The following PGLYRP3 variants were observed in gnomAD, a reference collection of about 807,000 sequenced individuals.
PGLYRP3 encodes peptidoglycan recognition protein 3, also known as peptidoglycan recognition protein I alpha.
A neutral mutation model predicts 36.0 loss-of-function variants in PGLYRP3; 39 were observed. The observed-to-expected ratio is 1.08, with a 90% CI of 0.84 to 1.41. The LOEUF (loss-of-function observed/expected upper bound fraction) is 1.41, where lower values mean the gene tolerates loss of function less well. Among genes scored for constraint, PGLYRP3 ranks in the 40% most tolerant of loss-of-function variants. The probability of loss-of-function intolerance (pLI) is 0.00; values close to 1 mark genes in which losing one functional copy is unlikely to be tolerated. For synonymous variants in PGLYRP3, 204 were observed against 172.8 expected, an observed-to-expected ratio of 1.18 and a Z score of -1.42; for missense variants, 407 against 427.9, an observed-to-expected ratio of 0.95 and a Z score of 0.43.
At chr1:153,304,590 G>T (rs3014828) in intron 4 of PGLYRP3, among the ~76,000 whole-genome samples, 1 of 51,810 alleles carries the variant, frequency 1.9e-5, no homozygotes, top group East Asian at 6.0e-4. Flanking sequence ...CTGCCTTCTG[G>T]TCACTTTCTA....
chr1:153,310,206 A>G (rs1659860826), intron 2 of PGLYRP3, among the ~76,000 whole-genome samples: 1 of 152,216 alleles, frequency 6.6e-6, no homozygotes, highest in Non-Finnish European at 1.5e-5. Flanking sequence ...ACAAATGTAG[A>G]CCCAAGTGCT....
At chr1:153,306,728 G>T (rs751884175) in intron 3 of PGLYRP3, among the ~76,000 whole-genome samples, 3 of 152,208 alleles carry the variant, frequency 2.0e-5, no homozygotes, top group South Asian at 2.1e-4. Flanking sequence ...TCTCAGAGTA[G>T]CTGGGAGGGC....
chr1:153,305,128 C>A, intron 3 of PGLYRP3, 63 bp from the exon 4 acceptor site: 1 of 1,389,030 alleles, frequency 7.2e-7, no homozygotes. Context: ...CTCACTGATC[C>A]TCAAAAGGAA....
At chr1:153,304,682 T>C (rs982561124) in intron 4 of PGLYRP3, among the ~76,000 whole-genome samples, 1 of 152,176 alleles carries the variant, frequency 6.6e-6, no homozygotes, top group African/African-American at 2.4e-5. Flanking sequence ...CCTCAGACTT[T>C]AGAAGTGACA....
chr1:153,304,409 C>T (rs1368826393), intron 4 of PGLYRP3, among the ~76,000 whole-genome samples: 4 of 152,234 alleles, frequency 2.6e-5, no homozygotes, highest in African/African-American at 9.6e-5. Flanking sequence ...ATAACTCTCA[C>T]AGAAAACCTC....
At chr1:153,300,722 T>A (rs1277584274) in intron 6 of PGLYRP3, among the ~76,000 whole-genome samples, 1 of 152,188 alleles carries the variant, frequency 6.6e-6, no homozygotes, top group Non-Finnish European at 1.5e-5. Context: ...TGAACTGGTG[T>A]CACCTCCCGC....
At chr1:153,298,955 G>T (rs1335291422) in intron 7 of PGLYRP3, among the ~76,000 whole-genome samples, 158 bp downstream of exon 7, 2 of 152,120 alleles carry the variant, frequency 1.3e-5, no homozygotes, top group Non-Finnish European at 2.9e-5. Context: ...TCTGAAAGGG[G>T]ATCCTGGTGA....
At position 153,307,116 on chromosome 1, in the gene PGLYRP3, C is replaced by T. The variant is rs1204333265; in HGVS notation, c.207G>A (p.Gly69=). ...QQSVCSQMLR[G]LQSHSVYTIG... ...TGGTGTAGACGGAATGGGACTGCAA[C>T]CCCCGCAGCATCTGGCTGCAAACGC... The change falls in exon 3 of 8, where the codon GGG becomes GGA. Residue 69 remains glycine (G), a synonymous_variant. Coordinates refer to ENST00000683862, the MANE Select transcript of PGLYRP3 (RefSeq NM_052891.3). 2.5e-6 allele frequency: 4 copies of T among 1,613,636 alleles called. No individual in the cohort carries two copies. Among genetic ancestry groups the T allele is most frequent in the African/African-American group, 1.3e-5 (1 of 75,008 alleles).
intron 3 of PGLYRP3, 122 bp from the exon 4 acceptor site, chr1:153,305,187 C>G: frequency 1.5e-6 from 1 of 658,060 alleles, no homozygotes; most frequent in African/African-American, 1.9e-5. Flanking sequence ...AATAACAAAA[C>G]AATAGGAGGT....
At position 153,299,020 on chromosome 1, in the gene PGLYRP3, G is replaced by T. The variant is rs2101508265; in HGVS notation, c.847+93C>A. The T allele has an allele frequency of 9.4e-6, 9 of 957,458 alleles. No homozygotes were observed. The Admixed American group carries it at 1.2e-4, about 13-fold the overall frequency. 59.3% of individuals were successfully genotyped at this position (957,458 alleles called of 1,614,324 possible). On this transcript the variant is annotated intron_variant, in intron 7 of 7. Transcript: ENST00000683862. ...TAAAATGTTCCATTCACACTGCCAG[G>T]CACTACAGGGCTGCCTTTCCCGCCA...
chr1:153,300,414 G>C (rs1659560187), intron 6 of PGLYRP3, among the ~76,000 whole-genome samples: 1 of 152,136 alleles, frequency 6.6e-6, no homozygotes, highest in Non-Finnish European at 1.5e-5. Context: ...ACTTTGACTT[G>C]TAGTTACTTG....
rs781111334 is a variant in PGLYRP3, at chr1:153,297,550, GGAAAGAAA to G, written c.*398_*405del. On this transcript the variant is annotated 3_prime_UTR_variant, in exon 8 of 8. Transcript: ENST00000683862. ...AGGAAGGAAGGAAGGAAGGAAGGAA[GGAAAGAAA>G]GAAAAAGAAAGAAAGAAAGAAAGAA... Among the ~76,000 whole-genome samples, 8 of 91,016 alleles carry G rather than the reference GGAAAGAAA, an allele frequency of 8.8e-5. No individual in the cohort carries two copies. Among genetic ancestry groups the G allele is most frequent in the Non-Finnish European group, 1.7e-4 (7 of 41,896 alleles). 59.7% of individuals were successfully genotyped at this position (91,016 alleles called of 152,430 possible). A position where few individuals can be genotyped will look rare whatever the true frequency, so the allele number is the denominator to read the frequency against.
At chr1:153,299,029 G>T in intron 7 of PGLYRP3, 84 bp downstream of exon 7, 1 of 1,103,530 alleles carries the variant, frequency 9.1e-7, no homozygotes, top group Non-Finnish European at 1.4e-6. Context: ...GGCACTACAG[G>T]GCTGCCTTTC....
Position 153,302,570 on chromosome 1 carries a change from G to C in PGLYRP3, c.567C>G (p.Ala189=). ...TCATTTTAGGGCAGTGTGTCTCTCT[G>C]GCTTCCCAAGCAGATCGTTTGATGA... ...PNIIKRSAWE[A]RETHCPKMNL... is the part of the protein sequence containing the mutation. The change falls in exon 6 of 8, where the codon GCC becomes GCG. Residue 189 remains alanine, a synonymous_variant. Transcript: ENST00000683862. 6.2e-7 allele frequency: 1 copy of C among 1,614,134 alleles called. No homozygotes were observed. Among genetic ancestry groups the C allele is most frequent in the Non-Finnish European group, 8.5e-7 (1 of 1,180,010 alleles).
In PGLYRP3 at chr1:153,305,088, T is replaced by G. The variant is rs754501830; in HGVS notation, c.258-23A>C. On this transcript the variant is annotated intron_variant, in intron 3 of 7. Transcript: ENST00000683862. ...AAGCTGACAAGAAGGAAATAATGAT[T>G]TTACTGCAAATCTCCATAAATGAAA... is the stretch of plus-strand genomic sequence containing the variant. 1.6e-5 allele frequency: 26 copies of G among 1,584,234 alleles called. No homozygotes were observed. In the East Asian group the frequency reaches 3.1e-4, roughly 19 times the overall value.
intron 1 of PGLYRP3, among the ~76,000 whole-genome samples, chr1:153,311,000 A>T (rs1044919963): frequency 6.6e-5 from 10 of 151,992 alleles, no homozygotes; most frequent in African/African-American, 2.4e-4. Flanking sequence ...AGAAAATAAC[A>T]ATTTCTAAAA....
At chr1:153,311,529 T>C (rs1557813512) in intron 1 of PGLYRP3, among the ~76,000 whole-genome samples, 2 of 152,184 alleles carry the variant, frequency 1.3e-5, no homozygotes, top group Non-Finnish European at 2.9e-5. Flanking sequence ...GTTCTCAATG[T>C]GGGCCCAAGA....
rs113737910 is a variant in PGLYRP3 at position 153,306,905 on chromosome 1, C to T, written c.257+161G>A. 7.1e-3 allele frequency among the ~76,000 whole-genome samples: 1,081 copies of T among 152,260 alleles called. 15 individuals carry two copies. The highest frequency in any genetic ancestry group is 0.024 in the African/African-American group (1,002 of 41,544). ...GCTTAGAGTCATCCCTCTTACAATC[C>T]CCGAAGGATTCGGATTTTGTTTGAT... On this transcript the variant is annotated intron_variant, in intron 3 of 7. Coordinates refer to ENST00000683862, the MANE Select transcript of PGLYRP3 (RefSeq NM_052891.3).
At position 153,299,197 on chromosome 1, in the gene PGLYRP3, C is replaced by T; in HGVS notation, c.763G>A (p.Gly255Arg). 3.7e-6 allele frequency: 6 copies of T among 1,614,022 alleles called. 1 individual carries two copies. The South Asian group carries it at 6.6e-5, about 18-fold the overall frequency. Residue 255 changes from glycine (G) to arginine (R), a missense_variant, in exon 7 of 8, where the codon GGG becomes AGG. By Grantham distance (125) the Gly-to-Arg change is moderately radical (BLOSUM62 -2). Coordinates refer to ENST00000683862, the MANE Select transcript of PGLYRP3 (RefSeq NM_052891.3). ...LVGQDGGVYE[G>R]VGWHIQGSHT... ...GAGCCTTGGATGTGCCATCCAACCCCTTCATACACGCCACCATCCTGGCCC... is the reference window on the plus strand; with the variant it reads ...GAGCCTTGGATGTGCCATCCAACCCTTTCATACACGCCACCATCCTGGCCC...
Sources: allele counts gnomAD v4.1 joint callset (sites outside exome capture counted in the v4.1 genomes callset), GRCh38; gene constraint gnomAD v4.1.1; transcripts MANE v1.5; gene names NCBI Gene and HGNC (gene_info 2026-07-23, HGNC 2026-07-21).